The following APBB1IP variants were observed in gnomAD, a reference collection of about 807,000 sequenced individuals.
The protein encoded by APBB1IP is amyloid beta precursor protein binding family B member 1 interacting protein, also known as amyloid beta A4 precursor protein-binding family B member 1-interacting protein.
APBB1IP carries 27 observed loss-of-function variants against 64.9 expected under a neutral mutation model. The observed-to-expected ratio is 0.42, with a 90% confidence interval of 0.31 to 0.57. APBB1IP has a LOEUF of 0.57. Ranked by LOEUF, APBB1IP falls within the 20% of genes least tolerant of loss-of-function variation. APBB1IP has a pLI of 0.20. For missense variants in APBB1IP, 812 were observed against 845.5 expected (o/e 0.96, Z 0.49); for synonymous variants, 392 against 331.0 (o/e 1.18, Z -2.00).
intron 2 of APBB1IP, among the ~76,000 whole-genome samples, chr10:26,473,693 C>T (rs1284322712): frequency 1.3e-5 from 2 of 152,080 alleles, no homozygotes; most frequent in Admixed American, 1.3e-4. Flanking sequence ...ATTTCAGAAG[C>T]ACTAAAATAT....
At chr10:26,505,545 A>G (rs1254859216) in intron 6 of APBB1IP, among the ~76,000 whole-genome samples, 1 of 151,990 alleles carries the variant, frequency 6.6e-6, no homozygotes, top group East Asian at 1.9e-4. Context: ...GGGTCTCACT[A>G]TGTTGCCCAG....
intron 5 of APBB1IP, 77 bp from the exon 6 acceptor site, chr10:26,503,120 C>A: frequency 1.5e-6 from 2 of 1,352,594 alleles, no homozygotes; most frequent in Non-Finnish European, 2.1e-6. Context: ...GTAGCTGAGA[C>A]ACTAGCAATG....
intron 4 of APBB1IP, among the ~76,000 whole-genome samples, chr10:26,497,464 T>A (rs1283168703): frequency 6.7e-6 from 1 of 150,016 alleles, no homozygotes; most frequent in Non-Finnish European, 1.5e-5. Flanking sequence ...GGCAGGAGAA[T>A]GGTGTGAACC....
chr10:26,496,877 T>C (rs1836031880), intron 4 of APBB1IP, among the ~76,000 whole-genome samples: 1 of 151,944 alleles, frequency 6.6e-6, no homozygotes, highest in Non-Finnish European at 1.5e-5. Flanking sequence ...CCTGAACTTG[T>C]CACTTTATTT....
chr10:26,488,809 G>A (rs1835923246), intron 2 of APBB1IP, among the ~76,000 whole-genome samples: 1 of 152,160 alleles, frequency 6.6e-6, no homozygotes, highest in Non-Finnish European at 1.5e-5. Flanking sequence ...TAGACCTTCG[G>A]TGTTTTTCTC....
chr10:26,452,254 G>A lies in APBB1IP; in HGVS notation c.-1+13401G>A, dbSNP rs145365495. ...AGGTAGGAATTATTTTCGTTGTACA[G>A]ACGAGGAAACTAAGCTGAGAGAAGG... On this transcript the variant is annotated intron_variant, in intron 2 of 14. Transcript: ENST00000376236. Among the ~76,000 whole-genome samples, 895 of 152,270 alleles carry A rather than the reference G, an allele frequency of 5.9e-3. 2 individuals are homozygous for A. Among genetic ancestry groups the A allele is most frequent in the Admixed American group, 0.011 (171 of 15,298 alleles).
At chr10:26,556,431 G>C (rs577524580) in intron 11 of APBB1IP, among the ~76,000 whole-genome samples, 1 of 152,166 alleles carries the variant, frequency 6.6e-6, no homozygotes, top group South Asian at 2.1e-4. Flanking sequence ...AGAGACCTTA[G>C]AGGTCATAGA....
chr10:26,479,512 A>G (rs534659718), intron 2 of APBB1IP, among the ~76,000 whole-genome samples: 11 of 152,216 alleles, frequency 7.2e-5, no homozygotes, highest in Non-Finnish European at 1.5e-4. Flanking sequence ...TAACTGTGAT[A>G]CTTTACTGTG....
chr10:26,556,633 G>A (rs1836898040), intron 11 of APBB1IP, among the ~76,000 whole-genome samples: 1 of 152,192 alleles, frequency 6.6e-6, no homozygotes. Context: ...TAGGGTGCTT[G>A]TTAAATGGCT....
At chr10:26,465,577 A>G (rs1835638969) in intron 2 of APBB1IP, among the ~76,000 whole-genome samples, 1 of 152,198 alleles carries the variant, frequency 6.6e-6, no homozygotes, top group South Asian at 2.1e-4. Flanking sequence ...CATAGAAAAG[A>G]TATTTACATT....
intron 8 of APBB1IP, among the ~76,000 whole-genome samples, chr10:26,518,289 C>A (rs1466110126): frequency 6.6e-6 from 1 of 151,438 alleles, no homozygotes; most frequent in Non-Finnish European, 1.5e-5. Flanking sequence ...CTTCTGTCAC[C>A]CAGGCTGGAA....
chr10:26,542,900 A>G (rs1396352156), intron 11 of APBB1IP, among the ~76,000 whole-genome samples: 9 of 150,634 alleles, frequency 6.0e-5, no homozygotes, highest in African/African-American at 2.2e-4. Context: ...TCCAAGGGTC[A>G]TTTGGCGAAC....
Position 26,501,433 on chromosome 10 carries a change from TA to T in APBB1IP, c.453+323del. ...CATCATATTGAAATGTGGAACTGAT[TA>T]TATATTTCCATGTCCCTGTTCTTAG... On this transcript the variant is annotated intron_variant, in intron 5 of 14. Coordinates refer to ENST00000376236, the MANE Select transcript of APBB1IP (RefSeq NM_019043.4). 3 of 514,396 alleles carry T rather than the reference TA, an allele frequency of 5.8e-6. No individual in the cohort carries two copies. The East Asian group carries it at 9.0e-5, about 15-fold the overall frequency. The allele number at this position is 514,396 out of a possible 1,614,324, so 31.9% of individuals were successfully genotyped here.
At chr10:26,543,707 A>G (rs974751269) in intron 11 of APBB1IP, among the ~76,000 whole-genome samples, 3 of 152,082 alleles carry the variant, frequency 2.0e-5, no homozygotes, top group Admixed American at 2.0e-4. Context: ...AGTAACAAGG[A>G]GCAATATGAG....
intron 11 of APBB1IP, among the ~76,000 whole-genome samples, chr10:26,553,566 G>A (rs1003713389): frequency 6.6e-6 from 1 of 152,170 alleles, no homozygotes; most frequent in Non-Finnish European, 1.5e-5. Context: ...ATCGGGGTGG[G>A]AGAATCACTT....
At chr10:26,496,177 G>T in intron 3 of APBB1IP, 127 bp from the exon 4 acceptor site, 1 of 588,758 alleles carries the variant, frequency 1.7e-6, no homozygotes. Flanking sequence ...GTTACCATAT[G>T]GTTTTCAGAG....
intron 9 of APBB1IP, among the ~76,000 whole-genome samples, chr10:26,533,974 G>GC (rs946636511): frequency 4.0e-5 from 6 of 151,328 alleles, no homozygotes; most frequent in South Asian, 4.2e-4. Context: ...GACAGTCCCC[G>GC]CCCCCCCGAG....
intron 2 of APBB1IP, among the ~76,000 whole-genome samples, chr10:26,475,614 A>T (rs1369258745): frequency 6.6e-6 from 1 of 152,152 alleles, no homozygotes; most frequent in Non-Finnish European, 1.5e-5. Context: ...CCATCCGGCC[A>T]TGGATGTCCT....
chr10:26,567,441 T>C lies in APBB1IP; in HGVS notation c.1954T>C (p.Ser652Pro). The stretch of plus-strand genomic sequence containing the variant: ...AGGAGGCGGGGAGCAAGATTTCATG[T>C]CAGACCTCATGAAAGCTTTGCAAAA... Reference protein sequence around the residue: ...GAGGGEQDFMSDLMKALQKKR... With the variant: ...GAGGGEQDFMPDLMKALQKKR... The change falls in exon 15 of 15, where the codon TCA (serine) becomes CCA (proline). Residue 652 changes from serine to proline, a missense_variant. By Grantham distance (74) the Ser-to-Pro change is moderately conservative (BLOSUM62 -1). This residue lies in a region of APBB1IP where 381 missense variants were observed against 352.1 expected (regional missense o/e 1.08). Transcript: ENST00000376236. 1 of 1,606,456 alleles carries C rather than the reference T, an allele frequency of 6.2e-7. No individual in the cohort carries two copies. Among genetic ancestry groups the C allele is most frequent in the East Asian group, 2.2e-5 (1 of 44,510 alleles).
Sources: allele counts gnomAD v4.1 joint callset (sites outside exome capture counted in the v4.1 genomes callset), GRCh38; gene constraint gnomAD v4.1.1; regional missense constraint gnomAD v4.1.1; transcripts MANE v1.5; gene names NCBI Gene and HGNC (gene_info 2026-07-23, HGNC 2026-07-21).